GID4: variants seen among roughly 807,000 people sequenced by gnomAD.
GID4 encodes the protein glucose-induced degradation protein 4 homolog.
Under a neutral mutation model 32.4 loss-of-function variants are expected in GID4, and 7 were observed. That is an observed-to-expected ratio of 0.22 (90% CI 0.12 to 0.41). GID4 has a LOEUF of 0.41. Among genes scored for constraint, GID4 ranks in the 10% least tolerant of loss-of-function variants. The pLI is 1.00. For synonymous variants in GID4, 166 were observed against 170.0 expected, an observed-to-expected ratio of 0.98 and a Z score of 0.18; for missense variants, 309 against 400.0, an observed-to-expected ratio of 0.77 and a Z score of 1.94.
chr17:18,062,287 T>C (rs1198435522), intron 5 of GID4: 1 of 266,772 alleles, frequency 3.7e-6, no homozygotes, highest in African/African-American at 2.1e-5. Flanking sequence ...CCTTGCAAAT[T>C]GAATTAGTAA....
At chr17:18,058,844 G>T in intron 3 of GID4, 24 bp from the exon 4 acceptor site, 1 of 1,428,370 alleles carries the variant, frequency 7.0e-7, no homozygotes. Context: ...CAGTCAATCG[G>T]CACACTCTCT....
chr17:18,053,539 G>A (rs575109671), intron 2 of GID4, among the ~76,000 whole-genome samples: 2 of 152,168 alleles, frequency 1.3e-5, no homozygotes, highest in African/African-American at 4.8e-5. Flanking sequence ...CATAAACCCA[G>A]GGTGTGGGAG....
chr17:18,063,285 C>A (rs1234020446), intron 5 of GID4, among the ~76,000 whole-genome samples: 2 of 151,900 alleles, frequency 1.3e-5, no homozygotes, highest in Admixed American at 6.6e-5. Flanking sequence ...TGGTACGCAC[C>A]TGTAGTTCCA....
rs999328357 is a variant in GID4, at chr17:18,062,103, T to C, written c.839+128T>C. ...TAGATTCTGTGCTTTATTTGGATGC[T>C]GAGAGCTTATTTCAGTGATCTCAGT... is the stretch of plus-strand genomic sequence containing the variant. On this transcript the variant is annotated intron_variant, in intron 5 of 5. Coordinates refer to ENST00000268719, the MANE Select transcript of GID4 (RefSeq NM_024052.5). 4.6e-6 allele frequency: 4 copies of C among 878,302 alleles called. No individual in the cohort carries two copies. The Admixed American group carries it at 6.2e-5, about 14-fold the overall frequency. The allele number at this position is 878,302 out of a possible 1,614,324, so 54.4% of individuals were successfully genotyped here.
Position 18,045,142 on chromosome 17 carries a change from T to G in GID4, c.439-5T>G. ...TGTGACAGGCTGTGTATCCTTTCTT[T>G]TCAGCACGTGGACACGGGGAACTCT... On this transcript the variant is annotated splice_region_variant and splice_polypyrimidine_tract_variant and intron_variant, in intron 1 of 5. Coordinates refer to ENST00000268719, the MANE Select transcript of GID4 (RefSeq NM_024052.5). The G allele has an allele frequency of 3.1e-6, 5 of 1,611,730 alleles. No homozygotes were observed. The highest frequency in any genetic ancestry group is 3.4e-6 in the Non-Finnish European group (4 of 1,177,866).
At chr17:18,063,075 AAAATAAATAAATAAATAAAT>A (rs140677914) in intron 5 of GID4, among the ~76,000 whole-genome samples, 18 of 123,580 alleles carry the variant, frequency 1.5e-4, no homozygotes, top group East Asian at 4.7e-4. Context: ...CACCATCTCA[AAAATAAATAAATAAATAAAT>A]AAATAAATAA....
intron 1 of GID4, among the ~76,000 whole-genome samples, chr17:18,041,288 T>G (rs1017370104): frequency 6.6e-6 from 1 of 152,208 alleles, no homozygotes; most frequent in South Asian, 2.1e-4. Context: ...AAACAAATCT[T>G]AGTTTCACTT....
chr17:18,049,375 A>AC lies in GID4; in HGVS notation c.498+4169_498+4170insC, dbSNP rs2044887529. 3.9e-5 allele frequency among the ~76,000 whole-genome samples: 6 copies of AC among 152,116 alleles called. No homozygotes were observed. In the South Asian group the frequency reaches 1.2e-3, roughly 32 times the overall value. On this transcript the variant is annotated intron_variant, in intron 2 of 5. Transcript: ENST00000268719. ...AAGGAGATAAGTGTCAAAAAAAAAA[A>AC]AAAGGAGCTAAATGGCCTCTTAGCT...
chr17:18,047,422 C>T (rs756317721), intron 2 of GID4, among the ~76,000 whole-genome samples: 6 of 152,226 alleles, frequency 3.9e-5, no homozygotes, highest in Non-Finnish European at 7.3e-5. Context: ...TGGGTGATAA[C>T]AAGCTGCACA....
intron 2 of GID4, among the ~76,000 whole-genome samples, chr17:18,048,435 C>T (rs896867039): frequency 1.3e-5 from 2 of 152,198 alleles, no homozygotes; most frequent in African/African-American, 4.8e-5. Context: ...CTCAAATGTC[C>T]ACCCTCCTTG....
chr17:18,058,980 A>G lies in GID4; in HGVS notation c.708+11A>G, dbSNP rs199504212. 3.4e-5 allele frequency: 52 copies of G among 1,539,460 alleles called. No homozygotes were observed. In the African/African-American group the frequency reaches 6.8e-4, roughly 20 times the overall value. On this transcript the variant is annotated intron_variant, in intron 4 of 5. Coordinates refer to ENST00000268719, the MANE Select transcript of GID4 (RefSeq NM_024052.5). The stretch of plus-strand genomic sequence containing the variant: ...TTCATGAGGTGGAAGGTAAGTTCCC[A>G]CCAGGTGGCCCTCCAGACTCCCAGC...
chr17:18,044,887 C>T (rs531070983), intron 1 of GID4, among the ~76,000 whole-genome samples: 3 of 152,190 alleles, frequency 2.0e-5, no homozygotes, highest in Non-Finnish European at 4.4e-5. Context: ...TTTGAGTGGG[C>T]ACCCCATTTC....
At chr17:18,053,384 G>A (rs759735499) in intron 2 of GID4, among the ~76,000 whole-genome samples, 2 of 151,388 alleles carry the variant, frequency 1.3e-5, no homozygotes, top group Admixed American at 6.6e-5. Context: ...AGGCCAAGGC[G>A]GGTGGATCAC....
chr17:18,039,826 T>G lies in GID4; in HGVS notation c.362T>G (p.Leu121Arg). ...NTQQPGVATS[L>R]LYSGSKFRGH... ...CAGCAGCCCGGCGTGGCCACCAGCC[T>G]GCTCTACAGCGGCTCCAAGTTCCGC... Residue 121 changes from leucine (L) to arginine (R), a missense_variant, in exon 1 of 6, where the codon CTG becomes CGG. Around this residue, in one of 2 missense-constraint regions of GID4, gnomAD observed 193 missense variants for 185.8 expected, o/e 1.04. Transcript: ENST00000268719. The surrounding 1 kb of genome is among the most constrained non-coding windows in gnomAD (Gnocchi z 5.3). 6.4e-7 allele frequency: 1 copy of G among 1,562,200 alleles called. No individual in the cohort carries two copies. Among genetic ancestry groups the G allele is most frequent in the Non-Finnish European group, 8.7e-7 (1 of 1,154,148 alleles).
intron 5 of GID4, among the ~76,000 whole-genome samples, chr17:18,062,556 G>A (rs772918580): frequency 3.3e-5 from 5 of 152,092 alleles, no homozygotes; most frequent in Non-Finnish European, 7.4e-5. Flanking sequence ...TGCTGTCCCC[G>A]GAGGGCAAAC....
intron 2 of GID4, among the ~76,000 whole-genome samples, chr17:18,053,059 A>G (rs1286702291): frequency 9.3e-6 from 1 of 107,900 alleles, no homozygotes; most frequent in African/African-American, 3.6e-5. Context: ...CTTATTGCCC[A>G]GGCTGGAGTG....
intron 3 of GID4, chr17:18,056,879 C>T: frequency 6.4e-7 from 1 of 1,550,544 alleles, no homozygotes; most frequent in Non-Finnish European, 8.7e-7. Flanking sequence ...TTGTAGTACT[C>T]AGCATTTCCC....
At position 18,039,678 on chromosome 17, in the gene GID4, C is replaced by A; in HGVS notation, c.214C>A (p.Pro72Thr). 1 of 1,409,118 alleles carries A rather than the reference C, an allele frequency of 7.1e-7. No homozygotes were observed. The highest frequency in any genetic ancestry group is 9.3e-7 in the Non-Finnish European group (1 of 1,080,360). 87.3% of individuals were successfully genotyped at this position (1,409,118 alleles called of 1,614,324 possible). A position where few individuals can be genotyped will look rare whatever the true frequency, so the allele number is the denominator to read the frequency against. The change falls in exon 1 of 6, where the codon CCA becomes ACA. Residue 72 changes from proline (P) to threonine (T), a missense_variant. This residue lies in a region of GID4 where 193 missense variants were observed against 185.8 expected (regional missense o/e 1.04). Transcript: ENST00000268719. The surrounding 1 kb of genome is among the most constrained non-coding windows in gnomAD (Gnocchi z 5.3). ...CCGCGCGGCGGCGGCGGTTCCTCTC[C>A]CACTCCCCCCAGCCCTGGCTCCGGG... ...GSRAAAAVPL[P>T]LPPALAPGDP... is the part of the protein sequence containing the mutation.
intron 1 of GID4, among the ~76,000 whole-genome samples, chr17:18,044,323 T>A (rs2044831819): frequency 6.6e-6 from 1 of 152,106 alleles, no homozygotes; most frequent in Admixed American, 6.5e-5. Flanking sequence ...TCTTACGTGG[T>A]AGGTAGGTAC....
Sources: allele counts gnomAD v4.1 joint callset (sites outside exome capture counted in the v4.1 genomes callset), GRCh38; gene constraint gnomAD v4.1.1; regional missense constraint gnomAD v4.1.1; non-coding constraint Gnocchi (gnomAD v3.1); transcripts MANE v1.5; gene names NCBI Gene and HGNC (gene_info 2026-07-23, HGNC 2026-07-21).